FNDC3B: variants seen among roughly 807,000 people sequenced by gnomAD.
FNDC3B encodes fibronectin type III domain containing 3B, also known as fibronectin type III domain-containing protein 3B.
FNDC3B carries 12 observed loss-of-function variants against 151.5 expected under a neutral mutation model. The observed-to-expected ratio is 0.08, with a 90% CI of 0.05 to 0.13. The LOEUF is 0.13. Ranked by LOEUF, FNDC3B falls within the 10% of genes least tolerant of loss-of-function variation. FNDC3B has a pLI of 1.00. For synonymous variants in FNDC3B, 528 were observed against 549.0 expected (o/e 0.96, Z 0.54); for missense variants, 1,214 against 1,505.3 (o/e 0.81, Z 3.20).
intron 2 of FNDC3B, among the ~76,000 whole-genome samples, chr3:172,122,961 T>G (rs1029390688): frequency 2.0e-5 from 3 of 152,244 alleles, no homozygotes; most frequent in Non-Finnish European, 4.4e-5. Flanking sequence ...CAGTTCTTGT[T>G]AGCCACACCT....
At chr3:172,307,999 G>A (rs539281831) in intron 10 of FNDC3B, among the ~76,000 whole-genome samples, 74 of 152,176 alleles carry the variant, frequency 4.9e-4, no homozygotes, top group African/African-American at 1.7e-3. Context: ...AACATTTGAG[G>A]ACTTTAGCAA....
intron 1 of FNDC3B, among the ~76,000 whole-genome samples, chr3:172,107,771 C>T (rs935542903): frequency 2.6e-5 from 4 of 152,052 alleles, no homozygotes; most frequent in African/African-American, 9.7e-5. Flanking sequence ...CTCAGGGACT[C>T]CTCTCTGTGT....
chr3:172,283,779 T>A (rs1729862497), intron 6 of FNDC3B, among the ~76,000 whole-genome samples: 1 of 152,226 alleles, frequency 6.6e-6, no homozygotes, highest in East Asian at 1.9e-4. Flanking sequence ...ATATAATATT[T>A]ACAGTTTACT....
intron 23 of FNDC3B, among the ~76,000 whole-genome samples, chr3:172,377,497 C>T (rs1215017278): frequency 6.6e-6 from 1 of 152,170 alleles, no homozygotes; most frequent in Admixed American, 6.5e-5. Flanking sequence ...GGGGAAAACA[C>T]CTAAAACATA....
intron 23 of FNDC3B, among the ~76,000 whole-genome samples, chr3:172,369,613 A>G (rs1281520201): frequency 6.6e-6 from 1 of 152,188 alleles, no homozygotes; most frequent in African/African-American, 2.4e-5. Flanking sequence ...TCACAAGCCA[A>G]AAAAGGTCCA....
intron 3 of FNDC3B, chr3:172,186,765 C>T (rs886902457): frequency 1.9e-5 from 13 of 702,062 alleles, no homozygotes; most frequent in Middle Eastern, 2.3e-4. Flanking sequence ...CAGCTTTTTC[C>T]CCCTTACCTT....
At chr3:172,045,189 A>G (rs1255712957) in intron 1 of FNDC3B, among the ~76,000 whole-genome samples, 1 of 152,210 alleles carries the variant, frequency 6.6e-6, no homozygotes, top group Non-Finnish European at 1.5e-5. Flanking sequence ...TTGTGCTTGG[A>G]CAGTTTGAAA....
intron 1 of FNDC3B, among the ~76,000 whole-genome samples, chr3:172,058,132 A>G (rs1717004013): frequency 6.6e-6 from 1 of 152,218 alleles, no homozygotes; most frequent in Non-Finnish European, 1.5e-5. Flanking sequence ...CATGTTTGCA[A>G]ACTGCCTAGT....
At chr3:172,294,971 T>C (rs1307988173) in intron 7 of FNDC3B, among the ~76,000 whole-genome samples, 1 of 152,238 alleles carries the variant, frequency 6.6e-6, no homozygotes, top group Admixed American at 6.5e-5. Context: ...GGAAAGGTAT[T>C]AGCTTTGAAG....
At chr3:172,186,798 C>G in intron 3 of FNDC3B, 1 of 698,658 alleles carries the variant, frequency 1.4e-6, no homozygotes, top group African/African-American at 1.8e-5. Flanking sequence ...GTTTCATGAT[C>G]TGTGTCATAG....
At chr3:172,101,290 C>T (rs923559794) in intron 1 of FNDC3B, among the ~76,000 whole-genome samples, 6 of 152,164 alleles carry the variant, frequency 3.9e-5, no homozygotes, top group Admixed American at 2.6e-4. Flanking sequence ...TGAAAGGTTT[C>T]GTAGAGCATG....
intron 21 of FNDC3B, among the ~76,000 whole-genome samples, chr3:172,349,695 A>T (rs1733767307): frequency 1.3e-5 from 2 of 151,958 alleles, no homozygotes; most frequent in African/African-American, 4.8e-5. Flanking sequence ...ACGCTCTGTC[A>T]CCCAGGCTGG....
intron 1 of FNDC3B, among the ~76,000 whole-genome samples, chr3:172,068,527 A>G (rs1443159758): frequency 6.7e-6 from 1 of 149,654 alleles, no homozygotes; most frequent in Admixed American, 6.7e-5. Flanking sequence ...GGGTTCAAGC[A>G]ATTCTCCTGC....
intron 22 of FNDC3B, among the ~76,000 whole-genome samples, chr3:172,355,251 A>G (rs149885720): frequency 6.6e-6 from 1 of 152,302 alleles, no homozygotes; most frequent in Non-Finnish European, 1.5e-5. Flanking sequence ...GGGTAATCGG[A>G]TCACCTGGTA....
Position 172,112,596 on chromosome 3 carries a change from TGTAG to T in FNDC3B, c.111+8_111+11del. On this transcript the variant is annotated splice_region_variant and intron_variant, in intron 2 of 25. Transcript: ENST00000415807. ...ATGGAGATGCAGCTCAGCAGGTTGG[TGTAG>T]GAAGAGGGAAATTTAAGTCAAATTG... The T allele has an allele frequency of 6.3e-7, 1 of 1,595,062 alleles. No homozygotes were observed. Among genetic ancestry groups the T allele is most frequent in the South Asian group, 1.1e-5 (1 of 90,674 alleles).
rs73167284 is a variant in FNDC3B, at chr3:172,352,513, G to A, written c.2515-290G>A. 0.087 allele frequency among the ~76,000 whole-genome samples: 13,159 copies of A among 152,110 alleles called. 625 individuals are homozygous for A. Among genetic ancestry groups the A allele is most frequent in the Middle Eastern group, 0.16 (48 of 294 alleles). On this transcript the variant is annotated intron_variant, in intron 21 of 25. Transcript: ENST00000415807. The surrounding 1 kb of genome is among the most constrained non-coding windows in gnomAD (Gnocchi z 4.2). ...ACCACAGGGGGTTATTATGAAGATC[G>A]TGTAAGATGATGTATAAACTGAAAT...
intron 25 of FNDC3B, among the ~76,000 whole-genome samples, chr3:172,390,392 G>A (rs1350275579): frequency 1.3e-5 from 2 of 152,030 alleles, no homozygotes; most frequent in Non-Finnish European, 2.9e-5. Context: ...AAGAAAAATA[G>A]GATTCCTTTA....
At chr3:172,374,973 T>C (rs1735062876) in intron 23 of FNDC3B, among the ~76,000 whole-genome samples, 1 of 148,314 alleles carries the variant, frequency 6.7e-6, no homozygotes, top group Non-Finnish European at 1.5e-5. Context: ...TGACATGAAA[T>C]TGGAAATGAC....
chr3:172,089,702 C>T (rs1251947719), intron 1 of FNDC3B, among the ~76,000 whole-genome samples: 2 of 152,110 alleles, frequency 1.3e-5, no homozygotes, highest in Non-Finnish European at 2.9e-5. Flanking sequence ...ATAAGGCTGT[C>T]TTGTGAAGAT....
Sources: gnomAD v4.1 joint callset for allele counts (sites outside exome capture counted in the v4.1 genomes callset) on GRCh38, gnomAD v4.1.1 for gene constraint, Gnocchi (gnomAD v3.1) non-coding constraint, MANE v1.5 for transcripts, NCBI Gene and HGNC (gene_info 2026-07-23, HGNC 2026-07-21) for gene names.